The following OR1M1 variants were observed in gnomAD, a reference collection of about 807,000 sequenced individuals.
The protein encoded by OR1M1 is olfactory receptor family 1 subfamily M member 1.
For missense variants in OR1M1, 397 were observed against 401.8 expected (o/e 0.99, Z 0.10); for synonymous variants, 157 against 165.5 (o/e 0.95, Z 0.39).
chr19:9,093,527 C>T lies in OR1M1; in HGVS notation c.283C>T (p.Pro95Ser). The T allele has an allele frequency of 1.2e-6, 2 of 1,614,172 alleles. No individual in the cohort carries two copies. Among genetic ancestry groups the T allele is most frequent in the Non-Finnish European group, 1.7e-6 (2 of 1,180,034 alleles). ...LQTGSKAISY[P>S]CCLIQMYFFH... ...AACCGGGAGCAAGGCCATCTCTTAT[C>T]CCTGCTGCCTGATCCAGATGTACTT... Residue 95 changes from proline (P) to serine (S), a missense_variant, in exon 2 of 2, where the codon CCC (proline) becomes TCC (serine). Transcript: ENST00000641627.
Position 9,094,033 on chromosome 19 carries a change from C to T in OR1M1, c.789C>T (p.Ser263=), listed in dbSNP as rs2050312996. 1.2e-6 allele frequency: 2 copies of T among 1,613,986 alleles called. No homozygotes were observed. Among genetic ancestry groups the T allele is most frequent in the African/African-American group, 1.3e-5 (1 of 74,908 alleles). The change falls in exon 2 of 2, where the codon TCC becomes TCT. Residue 263 remains serine (S), a synonymous_variant. Coordinates refer to ENST00000641627, the MANE Select transcript of OR1M1 (RefSeq NM_001004456.2). ...CCATTGGCGTCTATCTGTGTCCCTCCTCGGTCCTCACCACTGTGAAGGAGA... is the reference window on the plus strand; with the variant it reads ...CCATTGGCGTCTATCTGTGTCCCTCTTCGGTCCTCACCACTGTGAAGGAGA... ...GTTIGVYLCP[S]SVLTTVKEKA... is the part of the protein sequence containing the mutation.
At chr19:9,091,148 C>T (rs938743464) in intron 1 of OR1M1, among the ~76,000 whole-genome samples, 1 of 151,772 alleles carries the variant, frequency 6.6e-6, no homozygotes, top group Non-Finnish European at 1.5e-5. Context: ...GCCCGAGTGA[C>T]AGAGCGAGAC....
intron 1 of OR1M1, among the ~76,000 whole-genome samples, chr19:9,090,157 G>A (rs2050284919): frequency 6.6e-6 from 1 of 152,168 alleles, no homozygotes; most frequent in Admixed American, 6.6e-5. Context: ...TTATGTTTAT[G>A]TCTTCTGTAT....
In OR1M1 at chr19:9,093,334, GTTC is replaced by G. The variant is rs1290979203; in HGVS notation, c.95_97del (p.Phe32del). 8.7e-6 allele frequency: 14 copies of G among 1,613,694 alleles called. No homozygotes were observed. The highest frequency in any genetic ancestry group is 1.1e-5 in the Non-Finnish European group (13 of 1,179,976). ...AGCAGGAGACGCTTCTCTTTTCCCT[GTTC>G]TTCTGCATGTACCTGGTCATGGTCG... On this transcript the variant is annotated inframe_deletion, in exon 2 of 2. Transcript: ENST00000641627.
chr19:9,089,532 T>TA (rs2050282135), intron 1 of OR1M1, among the ~76,000 whole-genome samples: 1 of 151,540 alleles, frequency 6.6e-6, no homozygotes, highest in South Asian at 2.1e-4. Context: ...CAAGCGATTC[T>TA]CCTGCCTCAG....
chr19:9,088,888 C>CAA (rs56097294), intron 1 of OR1M1, among the ~76,000 whole-genome samples: 3 of 149,118 alleles, frequency 2.0e-5, no homozygotes, highest in African/African-American at 7.4e-5. Context: ...AACTCTGTCT[C>CAA]AAAAAAAAAA....
rs747300318 is a variant in OR1M1, at chr19:9,093,270, C to T, written c.26C>T (p.Ala9Val). MEPRNQTS[A>V]SQFILLGLSE... ...ATGGAACCAAGAAACCAAACCAGTG[C>T]ATCTCAATTCATCCTCCTGGGACTC... is the stretch of plus-strand genomic sequence containing the variant. The change falls in exon 2 of 2, where the codon GCA becomes GTA. Residue 9 changes from alanine to valine, a missense_variant. Coordinates refer to ENST00000641627, the MANE Select transcript of OR1M1 (RefSeq NM_001004456.2). The T allele has an allele frequency of 4.2e-5, 68 of 1,611,366 alleles. No individual in the cohort carries two copies. The highest frequency in any genetic ancestry group is 1.6e-4 in the Middle Eastern group (1 of 6,062).
Position 9,095,521 on chromosome 19 carries a change from G to T in OR1M1, c.*1335G>T, listed in dbSNP as rs565307398. The T allele has an allele frequency of 6.6e-6, 1 of 152,160 alleles. No individual in the cohort carries two copies. Among genetic ancestry groups the T allele is most frequent in the South Asian group, 2.1e-4 (1 of 4,812 alleles). 9.4% of individuals were successfully genotyped at this position (152,160 alleles called of 1,614,324 possible). On this transcript the variant is annotated 3_prime_UTR_variant, in exon 2 of 2. Coordinates refer to ENST00000641627, the MANE Select transcript of OR1M1 (RefSeq NM_001004456.2). The stretch of plus-strand genomic sequence containing the variant: ...CCCACCTCAGCCTCCCAAGTAGTTG[G>T]GACCAGAGGCATGCAGCACCATGCC...
Position 9,094,214 on chromosome 19 carries a change from G to A in OR1M1, c.*28G>A, listed in dbSNP as rs1486204241. The A allele has an allele frequency of 2.8e-6, 4 of 1,430,994 alleles. No individual in the cohort carries two copies. The highest frequency in any genetic ancestry group is 2.3e-5 in the East Asian group (1 of 43,758). The allele number at this position is 1,430,994 out of a possible 1,614,324, so 88.6% of individuals were successfully genotyped here. On this transcript the variant is annotated 3_prime_UTR_variant, in exon 2 of 2. Coordinates refer to ENST00000641627, the MANE Select transcript of OR1M1 (RefSeq NM_001004456.2). ...ACCAGGACTCAGGAACTTCTGGGGG[G>A]TAGAATATATACATCTGGGAGTCTT...
intron 1 of OR1M1, among the ~76,000 whole-genome samples, chr19:9,091,091 T>C (rs957600035): frequency 5.2e-4 from 79 of 151,874 alleles, no homozygotes; most frequent in African/African-American, 1.7e-3. Flanking sequence ...GGCGTGAACC[T>C]GGGAGGCGGA....
chr19:9,090,134 G>A (rs1292703945), intron 1 of OR1M1, among the ~76,000 whole-genome samples: 1 of 152,128 alleles, frequency 6.6e-6, no homozygotes, highest in Non-Finnish European at 1.5e-5. Context: ...TGATTCATGC[G>A]TATATGGAAC....
chr19:9,092,233 A>C (rs2050297160), intron 1 of OR1M1, among the ~76,000 whole-genome samples: 1 of 151,846 alleles, frequency 6.6e-6, no homozygotes, highest in Non-Finnish European at 1.5e-5. Flanking sequence ...ACATTTTTTA[A>C]TTAATCAAAA....
At chr19:9,090,798 T>C (rs1009446162) in intron 1 of OR1M1, among the ~76,000 whole-genome samples, 1 of 151,906 alleles carries the variant, frequency 6.6e-6, no homozygotes, top group Non-Finnish European at 1.5e-5. Flanking sequence ...TTAGTGAACT[T>C]GGCAACTCAG....
rs1222166298 is a variant in OR1M1, at chr19:9,094,116, G to A, written c.872G>A (p.Ser291Asn). The change falls in exon 2 of 2, where the codon AGC (serine) becomes AAC (asparagine). Residue 291 changes from serine to asparagine, a missense_variant. Physicochemically the swap from Ser to Asn is conservative, Grantham distance 46. Transcript: ENST00000641627. Reference sequence around the variant, plus strand: ...CCCATGCTGAATCCCTTCATCTACAGCTTGAGGAACAGAGACCTGAAAGGG... The same window carrying A: ...CCCATGCTGAATCCCTTCATCTACAACTTGAGGAACAGAGACCTGAAAGGG... ...VTPMLNPFIY[S>N]LRNRDLKGAL... is the part of the protein sequence containing the mutation. The A allele has an allele frequency of 6.2e-7, 1 of 1,613,704 alleles. No individual in the cohort carries two copies. Among genetic ancestry groups the A allele is most frequent in the Non-Finnish European group, 8.5e-7 (1 of 1,180,002 alleles).
At chr19:9,093,180 TC>T (rs2050303868) in intron 1 of OR1M1, 51 bp from the exon 2 acceptor site, 2 of 1,192,514 alleles carry the variant, frequency 1.7e-6, no homozygotes, top group Admixed American at 2.2e-5. Context: ...CATCTAACTT[TC>T]CAAAACCATC....
Position 9,093,779 on chromosome 19 carries a change from T to C in OR1M1, c.535T>C (p.Cys179Arg), listed in dbSNP as rs2050310186. The C allele has an allele frequency of 1.9e-6, 3 of 1,613,834 alleles. No individual in the cohort carries two copies. The highest frequency in any genetic ancestry group is 1.3e-5 in the African/African-American group (1 of 74,936). ...CGSHEVPHYFCDLTPILRLSC... is the reference protein window; with the variant it reads ...CGSHEVPHYFRDLTPILRLSC... Reference sequence around the variant, plus strand: ...CAGCCATGAGGTGCCTCACTACTTCTGCGACCTCACTCCCATCCTCCGACT... The same window carrying C: ...CAGCCATGAGGTGCCTCACTACTTCCGCGACCTCACTCCCATCCTCCGACT... The change falls in exon 2 of 2, where the codon TGC (cysteine) becomes CGC (arginine). Residue 179 changes from cysteine to arginine, a missense_variant. Cys to Arg is a radical substitution (Grantham distance 180). Transcript: ENST00000641627.
intron 1 of OR1M1, among the ~76,000 whole-genome samples, chr19:9,088,731 C>G (rs1350894773): frequency 6.6e-6 from 1 of 151,846 alleles, no homozygotes; most frequent in Non-Finnish European, 1.5e-5. Context: ...AGTAAACATA[C>G]AAAAAAATTA....
rs563561685 is a variant in OR1M1 at position 9,093,819 on chromosome 19, C to G, written c.575C>G (p.Thr192Ser). The G allele has an allele frequency of 4.6e-5, 75 of 1,614,076 alleles. 1 individual carries two copies. In the South Asian group the frequency reaches 7.6e-4, roughly 16 times the overall value. ...TPILRLSCTD[T>S]SVNRIFILIV... ...ATCCTCCGACTTTCGTGCACGGACA[C>G]CTCTGTGAATAGGATCTTCATCCTC... The change falls in exon 2 of 2, where the codon ACC becomes AGC. Residue 192 changes from threonine (T) to serine (S), a missense_variant. Transcript: ENST00000641627.
rs762925485 is a variant in OR1M1, at chr19:9,093,427, C to A, written c.183C>A (p.Phe61Leu). The change falls in exon 2 of 2, where the codon TTC (phenylalanine) becomes TTA (leucine). Residue 61 changes from phenylalanine to leucine, a missense_variant. By Grantham distance (22) the Phe-to-Leu change is conservative. Transcript: ENST00000641627. Reference protein sequence around the residue: ...IDSHLHTPMYFFLANLSLVDF... With the variant: ...IDSHLHTPMYLFLANLSLVDF... ...CCCACCTCCACACCCCCATGTACTT[C>A]TTCCTGGCCAACCTGTCCCTGGTTG... The A allele has an allele frequency of 7.4e-6, 12 of 1,614,088 alleles. No homozygotes were observed. In the East Asian group the frequency reaches 2.7e-4, roughly 36 times the overall value.
Sources: allele counts gnomAD v4.1 joint callset (sites outside exome capture counted in the v4.1 genomes callset), GRCh38; gene constraint gnomAD v4.1.1; transcripts MANE v1.5; gene names NCBI Gene and HGNC (gene_info 2026-07-23, HGNC 2026-07-21).